PLD5: variants seen among roughly 807,000 people sequenced by gnomAD.
The protein encoded by PLD5 is phospholipase D family member 5, also known as inactive phospholipase D5.
In PLD5, 36 loss-of-function variants were observed where a neutral mutation model predicts 61.1. That is an observed-to-expected ratio of 0.59 (90% confidence interval 0.45 to 0.78). The LOEUF (loss-of-function observed/expected upper bound fraction) is 0.78. Among genes scored for constraint, PLD5 ranks in the 30% least tolerant of loss-of-function variants. The pLI, the probability that PLD5 is intolerant of heterozygous loss-of-function variation, is 0.00. For synonymous variants in PLD5, 243 were observed against 242.8 expected (o/e 1.00, Z -0.01); for missense variants, 515 against 644.4 (o/e 0.80, Z 2.17).
intron 1 of PLD5, among the ~76,000 whole-genome samples, chr1:242,514,504 G>A (rs137932043): frequency 1.3e-5 from 2 of 152,154 alleles, no homozygotes; most frequent in Non-Finnish European, 2.9e-5. Context: ...CTTAAGACCT[G>A]GTGATGAAAT....
At chr1:242,146,620 A>G (rs1664562166) in intron 5 of PLD5, among the ~76,000 whole-genome samples, 1 of 152,188 alleles carries the variant, frequency 6.6e-6, no homozygotes, top group South Asian at 2.1e-4. Context: ...AACACTTCAG[A>G]TGCTTTTTCT....
chr1:242,317,439 C>G (rs1658090298), intron 2 of PLD5, among the ~76,000 whole-genome samples: 1 of 152,056 alleles, frequency 6.6e-6, no homozygotes. Flanking sequence ...ATAAAAGAAC[C>G]TATAATTGGG....
chr1:242,154,274 A>C (rs1351851404), intron 5 of PLD5, among the ~76,000 whole-genome samples: 1 of 152,190 alleles, frequency 6.6e-6, no homozygotes, highest in African/African-American at 2.4e-5. Flanking sequence ...CAAAGATACA[A>C]TCATGTCATC....
At chr1:242,334,106 A>T (rs984474494) in intron 2 of PLD5, among the ~76,000 whole-genome samples, 1 of 152,126 alleles carries the variant, frequency 6.6e-6, no homozygotes, top group African/African-American at 2.4e-5. Flanking sequence ...GACTGTACTA[A>T]TCTACACTCC....
chr1:242,477,671 G>A (rs978420809), intron 1 of PLD5, among the ~76,000 whole-genome samples: 2 of 152,188 alleles, frequency 1.3e-5, no homozygotes, highest in African/African-American at 4.8e-5. Flanking sequence ...GAGCAACAGT[G>A]TGAACCCAGC....
intron 1 of PLD5, among the ~76,000 whole-genome samples, chr1:242,408,843 C>T (rs1290268070): frequency 2.0e-5 from 3 of 152,074 alleles, no homozygotes; most frequent in Non-Finnish European, 4.4e-5. Flanking sequence ...CCGAGATGGG[C>T]AGATCACAAG....
rs1368023521 is a variant in PLD5, at chr1:242,306,267, G to C, written c.327-17737C>G. On this transcript the variant is annotated intron_variant, in intron 2 of 9. Coordinates refer to ENST00000536534, the MANE Select transcript of PLD5 (RefSeq NM_001372062.1). ...AGTCATCAGCTTGGCAGGTAGTAAA[G>C]ATTTGGAATGGAGTATCTTTTAAAT... 4.7e-5 allele frequency among the ~76,000 whole-genome samples: 7 copies of C among 149,132 alleles called. No individual in the cohort carries two copies. The East Asian group carries it at 1.4e-3, about 30-fold the overall frequency.
At chr1:242,109,463 G>T (rs1661313279) in intron 7 of PLD5, among the ~76,000 whole-genome samples, 1 of 152,078 alleles carries the variant, frequency 6.6e-6, no homozygotes, top group Non-Finnish European at 1.5e-5. Context: ...GGGTGACAGA[G>T]CAAGACTCCA....
intron 9 of PLD5, among the ~76,000 whole-genome samples, chr1:242,099,434 T>C (rs1407734407): frequency 6.6e-6 from 1 of 152,168 alleles, no homozygotes; most frequent in Non-Finnish European, 1.5e-5. Context: ...GCCAGATATA[T>C]ATCTTTAAAA....
intron 1 of PLD5, among the ~76,000 whole-genome samples, chr1:242,361,762 A>G (rs1661077937): frequency 6.6e-6 from 1 of 152,168 alleles, no homozygotes; most frequent in Admixed American, 6.6e-5. Context: ...ATAGAGATAT[A>G]TTATCTCTAA....
chr1:242,199,155 A>C (rs556284504), intron 5 of PLD5, among the ~76,000 whole-genome samples: 1 of 152,184 alleles, frequency 6.6e-6, no homozygotes, highest in African/African-American at 2.4e-5. Flanking sequence ...CGGTTGGAAA[A>C]TTTTAGATTA....
At chr1:242,396,408 C>T (rs1163556263) in intron 1 of PLD5, among the ~76,000 whole-genome samples, 1 of 152,176 alleles carries the variant, frequency 6.6e-6, no homozygotes, top group African/African-American at 2.4e-5. Context: ...CCTGACCCCA[C>T]TTTGCCCTCC....
At chr1:242,127,012 C>T (rs564307421) in intron 5 of PLD5, among the ~76,000 whole-genome samples, 5 of 152,046 alleles carry the variant, frequency 3.3e-5, no homozygotes, top group African/African-American at 1.2e-4. Context: ...AGACAATTCT[C>T]AAAAGAAGAT....
At chr1:242,411,737 C>G (rs981128037) in intron 1 of PLD5, among the ~76,000 whole-genome samples, 1 of 152,066 alleles carries the variant, frequency 6.6e-6, no homozygotes, top group Non-Finnish European at 1.5e-5. Context: ...TAAACTCTGC[C>G]AAGTTTCTCC....
chr1:242,336,678 G>C (rs555032109), intron 2 of PLD5, among the ~76,000 whole-genome samples: 10 of 152,110 alleles, frequency 6.6e-5, no homozygotes, highest in Admixed American at 6.5e-4. Context: ...AGGGGACACA[G>C]GGCCTGCATT....
chr1:242,454,947 T>G (rs1432179788), intron 1 of PLD5, among the ~76,000 whole-genome samples: 1 of 152,172 alleles, frequency 6.6e-6, no homozygotes, highest in Non-Finnish European at 1.5e-5. Flanking sequence ...CTGTTCTTCT[T>G]TTTTACCACA....
intron 5 of PLD5, among the ~76,000 whole-genome samples, chr1:242,126,473 A>G (rs1040776688): frequency 5.2e-5 from 8 of 152,382 alleles, no homozygotes; most frequent in Middle Eastern, 3.4e-3. Context: ...GCATAGCCCA[A>G]TGGAACAGAA....
chr1:242,188,313 G>C (rs1274678449), intron 5 of PLD5, among the ~76,000 whole-genome samples: 1 of 152,160 alleles, frequency 6.6e-6, no homozygotes, highest in Non-Finnish European at 1.5e-5. Context: ...AGGGGAAAGG[G>C]AGAAATTGCA....
chr1:242,174,579 A>G (rs903359810), intron 5 of PLD5, among the ~76,000 whole-genome samples: 2 of 152,268 alleles, frequency 1.3e-5, no homozygotes, highest in Non-Finnish European at 1.5e-5. Flanking sequence ...AAATCATGCT[A>G]CTATAAAGAC....
Sources: allele counts gnomAD v4.1 joint callset (sites outside exome capture counted in the v4.1 genomes callset), GRCh38; gene constraint gnomAD v4.1.1; transcripts MANE v1.5; gene names NCBI Gene and HGNC (gene_info 2026-07-23, HGNC 2026-07-21).